Variants in INTS13 observed in about 807,000 individuals in gnomAD.
The protein encoded by INTS13 is asunder, spermatogenesis regulator homolog (Drosphila).
INTS13 carries 35 observed loss-of-function variants against 90.2 expected under a neutral mutation model. That is an observed-to-expected ratio of 0.39 (90% CI 0.30 to 0.51). The LOEUF (loss-of-function observed/expected upper bound fraction) is 0.51. Among genes scored for constraint, INTS13 ranks in the 20% least tolerant of loss-of-function variants. The pLI is 0.80. For synonymous variants in INTS13, 309 were observed against 277.1 expected (o/e 1.11, Z -1.14); for missense variants, 601 against 851.2 (o/e 0.71, Z 3.66).
Position 26,906,291 on chromosome 12 carries a change from G to C in INTS13, c.2081+11C>G, listed in dbSNP as rs1488052. 1 of 1,591,820 alleles carries C rather than the reference G, an allele frequency of 6.3e-7. No individual in the cohort carries two copies. Among genetic ancestry groups the C allele is most frequent in the Non-Finnish European group, 8.5e-7 (1 of 1,170,132 alleles). The stretch of plus-strand genomic sequence containing the variant: ...TTGACAAAACCAATTTTGACAATAA[G>C]TAACACAAACCCATTTTCCTCTTTA... On this transcript the variant is annotated intron_variant, in intron 16 of 16. Transcript: ENST00000261191.
intron 3 of INTS13, among the ~76,000 whole-genome samples, chr12:26,934,219 C>T (rs1025119394): frequency 5.3e-5 from 8 of 152,024 alleles, no homozygotes; most frequent in African/African-American, 1.9e-4. Flanking sequence ...TGCAGTGAGC[C>T]GAGATGGCGC....
chr12:26,933,409 A>AC (rs1938303218), intron 3 of INTS13, among the ~76,000 whole-genome samples: 1 of 152,198 alleles, frequency 6.6e-6, no homozygotes, highest in Non-Finnish European at 1.5e-5. Flanking sequence ...AACAGCTTTC[A>AC]GTGCGAAATT....
At chr12:26,909,472 C>T (rs990883079) in intron 15 of INTS13, among the ~76,000 whole-genome samples, 13 of 127,056 alleles carry the variant, frequency 1.0e-4, no homozygotes, top group East Asian at 4.5e-4. Flanking sequence ...AGATAATACT[C>T]TTTTTTTTTT....
In INTS13 at chr12:26,922,617, A is replaced by C. The variant is rs1343654910; in HGVS notation, c.888T>G (p.Ser296Arg). The C allele has an allele frequency of 6.3e-7, 1 of 1,587,604 alleles. No individual in the cohort carries two copies. The highest frequency in any genetic ancestry group is 1.4e-5 in the African/African-American group (1 of 73,966). Residue 296 changes from serine (S) to arginine (R), a missense_variant and splice_region_variant, in exon 8 of 17, where the codon AGT becomes AGG. This residue lies in a region of INTS13 where 284 missense variants were observed against 387.7 expected (regional missense o/e 0.73). Coordinates refer to ENST00000261191, the MANE Select transcript of INTS13 (RefSeq NM_018164.3). ...HKDAHVDFLK[S>R]GDSHLGGGSR... ...ATAATACTTTCAAATGTCTCTTACC[A>C]CTTTTCAGGAAATCTACATGTGCAT...
At chr12:26,916,243 G>A in intron 10 of INTS13, 63 bp from the exon 11 acceptor site, 2 of 1,356,792 alleles carry the variant, frequency 1.5e-6, no homozygotes, top group South Asian at 3.0e-5. Flanking sequence ...TTATTTCCTT[G>A]AGATTTATGT....
chr12:26,927,249 G>C (rs572209044), intron 5 of INTS13, among the ~76,000 whole-genome samples: 5 of 152,210 alleles, frequency 3.3e-5, no homozygotes, highest in African/African-American at 1.2e-4. Flanking sequence ...CAAGTCAGAC[G>C]AAAGTGTGGG....
At chr12:26,931,417 C>G (rs1338533540) in intron 3 of INTS13, among the ~76,000 whole-genome samples, 1 of 151,230 alleles carries the variant, frequency 6.6e-6, no homozygotes, top group Non-Finnish European at 1.5e-5. Flanking sequence ...GCACTCCAGC[C>G]TGGGCAACAG....
chr12:26,926,334 C>T (rs926699302), intron 5 of INTS13, among the ~76,000 whole-genome samples: 12 of 152,228 alleles, frequency 7.9e-5, no homozygotes, highest in African/African-American at 2.9e-4. Flanking sequence ...AAGTACTATT[C>T]AATGAACAAC....
At chr12:26,912,009 G>T (rs147197800) in intron 14 of INTS13, among the ~76,000 whole-genome samples, 9 of 152,332 alleles carry the variant, frequency 5.9e-5, no homozygotes, top group South Asian at 4.1e-4. Flanking sequence ...ATTCCTATGG[G>T]TGTAGTGGTA....
At position 26,905,290 on chromosome 12, in the gene INTS13, A is replaced by C. The variant is rs1323180829; in HGVS notation, c.*207T>G. 2.7e-5 allele frequency: 14 copies of C among 510,158 alleles called. No individual in the cohort carries two copies. Among genetic ancestry groups the C allele is most frequent in the Non-Finnish European group, 4.0e-5 (12 of 296,564 alleles). 31.6% of individuals were successfully genotyped at this position (510,158 alleles called of 1,614,324 possible). On this transcript the variant is annotated 3_prime_UTR_variant, in exon 17 of 17. Coordinates refer to ENST00000261191, the MANE Select transcript of INTS13 (RefSeq NM_018164.3). Reference sequence around the variant, plus strand: ...TTATACCATAAAATAAACTTGTATAATTTGGGAGGACAAATCATCTCAAAT... The same window carrying C: ...TTATACCATAAAATAAACTTGTATACTTTGGGAGGACAAATCATCTCAAAT...
At chr12:26,930,271 C>A (rs1057468434) in intron 3 of INTS13, among the ~76,000 whole-genome samples, 3 of 152,162 alleles carry the variant, frequency 2.0e-5, no homozygotes, top group African/African-American at 7.2e-5. Context: ...TCCCCAACTT[C>A]TTTGTAGTAA....
At chr12:26,929,568 A>G (rs948918038) in intron 3 of INTS13, among the ~76,000 whole-genome samples, 1 of 151,872 alleles carries the variant, frequency 6.6e-6, no homozygotes, top group African/African-American at 2.4e-5. Flanking sequence ...AAAAAGAAAA[A>G]AAAAAAAAAA....
At chr12:26,931,114 G>A (rs1243668718) in intron 3 of INTS13, among the ~76,000 whole-genome samples, 2 of 151,288 alleles carry the variant, frequency 1.3e-5, no homozygotes, top group African/African-American at 4.9e-5. Flanking sequence ...AACTAACCTC[G>A]GAGAACAATA....
Position 26,934,645 on chromosome 12 carries a change from A to G in INTS13, c.226-15T>C, listed in dbSNP as rs1938368615. 1 of 1,567,386 alleles carries G rather than the reference A, an allele frequency of 6.4e-7. No individual in the cohort carries two copies. Among genetic ancestry groups the G allele is most frequent in the Non-Finnish European group, 8.8e-7 (1 of 1,139,122 alleles). On this transcript the variant is annotated splice_polypyrimidine_tract_variant and intron_variant, in intron 2 of 16. Coordinates refer to ENST00000261191, the MANE Select transcript of INTS13 (RefSeq NM_018164.3). The stretch of plus-strand genomic sequence containing the variant: ...ATAAAATTCACCTAATAGATTCCAA[A>G]GAAACAATTAGTATTCAACTCTAAT...
intron 3 of INTS13, among the ~76,000 whole-genome samples, chr12:26,933,412 G>A (rs1938303362): frequency 6.6e-6 from 1 of 152,098 alleles, no homozygotes; most frequent in Admixed American, 6.6e-5. Flanking sequence ...AGCTTTCAGT[G>A]CGAAATTATA....
At chr12:26,927,909 C>T (rs977379191) in intron 5 of INTS13, among the ~76,000 whole-genome samples, 6 of 152,126 alleles carry the variant, frequency 3.9e-5, no homozygotes, top group African/African-American at 1.4e-4. Flanking sequence ...AGCCACTACA[C>T]CCAACACATT....
Position 26,924,456 on chromosome 12 carries a change from G to C in INTS13, c.703C>G (p.His235Asp). ...ELSPVLTSEV[H>D]SVRAGRHLAT... ...AGATGCCGTCCTGCACGAACACTAT[G>C]AACTTCACTGGTTAAAACCGGGGAC... Residue 235 changes from histidine (H) to aspartate (D), a missense_variant, in exon 7 of 17, where the codon CAT becomes GAT. By Grantham distance (81) the His-to-Asp change is moderately conservative (BLOSUM62 -1). Coordinates refer to ENST00000261191, the MANE Select transcript of INTS13 (RefSeq NM_018164.3). The C allele has an allele frequency of 6.2e-7, 1 of 1,609,358 alleles. No homozygotes were observed. Among genetic ancestry groups the C allele is most frequent in the Non-Finnish European group, 8.5e-7 (1 of 1,177,502 alleles).
At chr12:26,917,279 A>G (rs1951965729) in intron 10 of INTS13, 73 bp downstream of exon 10, 1 of 432,344 alleles carries the variant, frequency 2.3e-6, no homozygotes, top group African/African-American at 2.1e-5. Flanking sequence ...TTTCACTCAA[A>G]TAATAATTTA....
chr12:26,919,241 G>A (rs1036255355), intron 8 of INTS13, among the ~76,000 whole-genome samples: 1 of 152,070 alleles, frequency 6.6e-6, no homozygotes, highest in African/African-American at 2.4e-5. Context: ...AAAGAACAAT[G>A]GATACCAAGA....
Sources: gnomAD v4.1 joint callset for allele counts (sites outside exome capture counted in the v4.1 genomes callset) on GRCh38, gnomAD v4.1.1 for gene constraint, gnomAD v4.1.1 regional missense constraint, MANE v1.5 for transcripts, NCBI Gene and HGNC (gene_info 2026-07-23, HGNC 2026-07-21) for gene names.